ADAM2: variants seen among roughly 807,000 people sequenced by gnomAD.
ADAM2 encodes ADAM metallopeptidase domain 2, also known as disintegrin and metalloproteinase domain-containing protein 2.
A neutral mutation model predicts 99.3 loss-of-function variants in ADAM2; 101 were observed. That is an observed-to-expected ratio of 1.02 (90% CI 0.87 to 1.20). The LOEUF is 1.20. Among genes scored for constraint, ADAM2 ranks in the 50% most tolerant of loss-of-function variants. The pLI is 0.00. For synonymous variants in ADAM2, 323 were observed against 287.6 expected, an observed-to-expected ratio of 1.12 and a Z score of -1.25; for missense variants, 948 against 878.7, an observed-to-expected ratio of 1.08 and a Z score of -1.00.
chr8:39,810,659 C>A (rs1804657071), intron 6 of ADAM2, among the ~76,000 whole-genome samples: 1 of 152,158 alleles, frequency 6.6e-6, no homozygotes, highest in African/African-American at 2.4e-5. Context: ...TACATGGAAA[C>A]TGAACAACCT....
At chr8:39,825,943 G>T (rs892209192) in intron 3 of ADAM2, among the ~76,000 whole-genome samples, 1 of 152,104 alleles carries the variant, frequency 6.6e-6, no homozygotes, top group Non-Finnish European at 1.5e-5. Flanking sequence ...AATTTTGAGA[G>T]GGTTTGCACT....
At position 39,767,219 on chromosome 8, in the gene ADAM2, A is replaced by G. The variant is rs1449132140; in HGVS notation, c.1245T>C (p.Asp415=). 3.4e-5 allele frequency: 55 copies of G among 1,607,560 alleles called. No individual in the cohort carries two copies. The highest frequency in any genetic ancestry group is 4.7e-5 in the Non-Finnish European group (55 of 1,178,698). The change falls in exon 13 of 21, where the codon GAT becomes GAC. Residue 415 remains aspartate (D), a synonymous_variant. Transcript: ENST00000265708. ...CGGCTTTAAATCTACATGTGGCAAT[A>G]TCACAGCATGTTTCTCCAATAAGGG... ...DCALIGETCC[D]IATCRFKAGS...
intron 3 of ADAM2, among the ~76,000 whole-genome samples, chr8:39,826,901 T>TGGGA (rs748787231): frequency 3.7e-4 from 56 of 151,610 alleles, no homozygotes; most frequent in Admixed American, 5.9e-4. Context: ...ACTAGACAAA[T>TGGGA]GGGAGTACAC....
intron 7 of ADAM2, among the ~76,000 whole-genome samples, chr8:39,804,181 T>C (rs1804335013): frequency 6.6e-6 from 1 of 152,202 alleles, no homozygotes; most frequent in East Asian, 1.9e-4. Flanking sequence ...TTTCAGGATT[T>C]ATGGAACTAA....
intron 10 of ADAM2, among the ~76,000 whole-genome samples, chr8:39,779,791 G>GT (rs1435247993): frequency 7.9e-5 from 12 of 152,178 alleles, no homozygotes; most frequent in African/African-American, 2.9e-4. Context: ...ATTGAGACTT[G>GT]TTTTTTGCAT....
In ADAM2 at chr8:39,789,956, A is replaced by G. The variant is rs947831529; in HGVS notation, c.571-1216T>C. Among the ~76,000 whole-genome samples the G allele has an allele frequency of 2.0e-4, 30 of 152,030 alleles. 1 individual carries two copies. The highest frequency in any genetic ancestry group is 1.4e-3 in the Admixed American group (21 of 15,248). On this transcript the variant is annotated intron_variant, in intron 7 of 20. Coordinates refer to ENST00000265708, the MANE Select transcript of ADAM2 (RefSeq NM_001464.5). The stretch of plus-strand genomic sequence containing the variant: ...GCAAATATTCTCAACTTCATTGTGT[A>G]TTAGGGAAATGTAAATCAAAACCAC...
chr8:39,815,622 A>AAGT (rs1804911633), intron 6 of ADAM2, among the ~76,000 whole-genome samples: 1 of 152,196 alleles, frequency 6.6e-6, no homozygotes, highest in Admixed American at 6.5e-5. Flanking sequence ...TCCTGGTAGA[A>AAGT]GCTTCTTGGT....
At chr8:39,787,130 A>T (rs1250389525) in intron 9 of ADAM2, 75 bp from the exon 10 acceptor site, 3 of 856,914 alleles carry the variant, frequency 3.5e-6, no homozygotes, top group African/African-American at 1.7e-5. Flanking sequence ...CAAATTTTAC[A>T]TTTATGATAA....
chr8:39,744,791 T>TA (rs1823380509), intron 20 of ADAM2, 39 bp downstream of exon 20: 1 of 1,366,790 alleles, frequency 7.3e-7, no homozygotes, highest in African/African-American at 1.5e-5. Context: ...TCCCAGTACT[T>TA]AAAGTAAAAT....
intron 15 of ADAM2, among the ~76,000 whole-genome samples, chr8:39,760,184 A>C (rs1383915365): frequency 6.6e-6 from 1 of 152,180 alleles, no homozygotes; most frequent in Non-Finnish European, 1.5e-5. Context: ...TCTAATTTAC[A>C]AAATAATAGT....
At chr8:39,761,760 A>T (rs950200968) in intron 14 of ADAM2, among the ~76,000 whole-genome samples, 10 of 152,160 alleles carry the variant, frequency 6.6e-5, no homozygotes, top group African/African-American at 2.4e-4. Context: ...CCACATGCAT[A>T]ATCTGTATAA....
chr8:39,758,050 G>A (rs564818466), intron 15 of ADAM2, among the ~76,000 whole-genome samples: 3 of 152,256 alleles, frequency 2.0e-5, no homozygotes, highest in East Asian at 3.9e-4. Context: ...TGGAACTTGA[G>A]TATATGAGGA....
intron 16 of ADAM2, 44 bp from the exon 17 acceptor site, chr8:39,749,788 G>A: frequency 6.7e-7 from 1 of 1,497,806 alleles, no homozygotes; most frequent in South Asian, 1.2e-5. Context: ...ATGCCATCTA[G>A]AGTTGCCATT....
intron 5 of ADAM2, 132 bp from the exon 6 acceptor site, chr8:39,821,302 A>G (rs1805178227): frequency 2.9e-6 from 2 of 683,630 alleles, no homozygotes; most frequent in Non-Finnish European, 4.8e-6. Flanking sequence ...AAAATAGGAG[A>G]AAGTTACTGG....
At position 39,838,170 on chromosome 8, in the gene ADAM2, A is replaced by G; in HGVS notation, c.16T>C (p.Phe6Leu). The G allele has an allele frequency of 6.2e-7, 1 of 1,614,158 alleles. No homozygotes were observed. The highest frequency in any genetic ancestry group is 8.5e-7 in the Non-Finnish European group (1 of 1,180,022). MWRVLFLLSGLGGLRM... is the reference protein window; with the variant it reads MWRVLLLLSGLGGLRM... ...AGCCCGCCGAGCCCGCTGAGCAGAAACAAGACGCGCCACATGGCTTGAAGT... is the reference window on the plus strand; with the variant it reads ...AGCCCGCCGAGCCCGCTGAGCAGAAGCAAGACGCGCCACATGGCTTGAAGT... Residue 6 changes from phenylalanine to leucine, a missense_variant, in exon 1 of 21, where the codon TTT becomes CTT. Coordinates refer to ENST00000265708, the MANE Select transcript of ADAM2 (RefSeq NM_001464.5).
chr8:39,785,416 G>C (rs1301477458), intron 10 of ADAM2, among the ~76,000 whole-genome samples: 2 of 152,150 alleles, frequency 1.3e-5, no homozygotes, highest in Non-Finnish European at 2.9e-5. Context: ...ACACTGTTAG[G>C]GGGACTAGAA....
intron 19 of ADAM2, among the ~76,000 whole-genome samples, chr8:39,745,131 G>A (rs1823395008): frequency 2.0e-5 from 3 of 152,086 alleles, no homozygotes; most frequent in Non-Finnish European, 2.9e-5. Flanking sequence ...TACCCGAAAA[G>A]AAACTTAGAT....
At chr8:39,771,562 G>C (rs1218927234) in intron 11 of ADAM2, among the ~76,000 whole-genome samples, 1 of 152,148 alleles carries the variant, frequency 6.6e-6, no homozygotes, top group Non-Finnish European at 1.5e-5. Flanking sequence ...ATAGGAATGT[G>C]ATGAGTTTTA....
At chr8:39,788,541 A>G (rs1053406639) in intron 8 of ADAM2, 128 bp downstream of exon 8, 2 of 642,762 alleles carry the variant, frequency 3.1e-6, no homozygotes, top group Middle Eastern at 3.4e-4. Flanking sequence ...TCAGATAAGT[A>G]AAATTTAAAA....
Sources: allele counts gnomAD v4.1 joint callset (sites outside exome capture counted in the v4.1 genomes callset), GRCh38; gene constraint gnomAD v4.1.1; transcripts MANE v1.5; gene names NCBI Gene and HGNC (gene_info 2026-07-23, HGNC 2026-07-21).